CNIH3: variants seen among roughly 807,000 people sequenced by gnomAD.
The protein encoded by CNIH3 is cornichon family AMPA receptor auxiliary protein 3.
CNIH3 carries 14 observed loss-of-function variants against 24.1 expected under a neutral mutation model. That is an observed-to-expected ratio of 0.58 (90% confidence interval 0.38 to 0.91). CNIH3 has a LOEUF of 0.91. Among genes scored for constraint, CNIH3 ranks in the 40% least tolerant of loss-of-function variants. The pLI is 0.00. For missense variants in CNIH3, 178 were observed against 196.8 expected (o/e 0.90, Z 0.57); for synonymous variants, 68 against 73.8 (o/e 0.92, Z 0.40).
chr1:224,690,765 A>AG (rs1686890110), intron 3 of CNIH3, among the ~76,000 whole-genome samples: 1 of 152,164 alleles, frequency 6.6e-6, no homozygotes, highest in African/African-American at 2.4e-5. Flanking sequence ...ATGGAGGAGA[A>AG]GGGTGTGTGG....
intron 3 of CNIH3, chr1:224,611,278 A>G (rs1682686550): frequency 6.6e-6 from 1 of 152,234 alleles, no homozygotes; most frequent in Non-Finnish European, 1.5e-5. Flanking sequence ...TGGAGCTGCT[A>G]CACTAGCCAT....
chr1:224,590,879 C>G (rs2405313), downstream of CNIH3, among the ~76,000 whole-genome samples: 58,669 of 149,716 alleles, frequency 0.39, 11,934 homozygotes, highest in East Asian at 0.59. Context: ...AGCCTGGTCA[C>G]ACTTCTGGGG....
intron 4 of CNIH3, among the ~76,000 whole-genome samples, chr1:224,568,517 A>C (rs1680681625): frequency 6.6e-6 from 1 of 152,172 alleles, no homozygotes; most frequent in African/African-American, 2.4e-5. Flanking sequence ...AGAGCTTCTG[A>C]AGGCCAAGGC....
chr1:224,571,116 G>A (rs1296269141), intron 4 of CNIH3, among the ~76,000 whole-genome samples: 1 of 152,172 alleles, frequency 6.6e-6, no homozygotes, highest in Non-Finnish European at 1.5e-5. Context: ...ATAGGGCAAG[G>A]CCTCTTGTCT....
At chr1:224,663,056 A>T (rs1685436286) in intron 1 of CNIH3, among the ~76,000 whole-genome samples, 1 of 152,186 alleles carries the variant, frequency 6.6e-6, no homozygotes, top group Non-Finnish European at 1.5e-5. Context: ...AAAAACCGCA[A>T]TTACTTTTGC....
At chr1:224,568,511 C>T (rs1488131249) in intron 4 of CNIH3, among the ~76,000 whole-genome samples, 1 of 152,144 alleles carries the variant, frequency 6.6e-6, no homozygotes, top group Non-Finnish European at 1.5e-5. Context: ...AATCCCAGAG[C>T]TTCTGAAGGC....
intron 4 of CNIH3, among the ~76,000 whole-genome samples, chr1:224,578,596 A>C (rs1317720269): frequency 2.0e-5 from 3 of 152,088 alleles, no homozygotes; most frequent in Non-Finnish European, 4.4e-5. Context: ...ACTAGTACCT[A>C]GTATCTCCCT....
intron 1 of CNIH3, among the ~76,000 whole-genome samples, chr1:224,449,808 G>A (rs1490510153): frequency 6.6e-6 from 1 of 152,114 alleles, no homozygotes; most frequent in Admixed American, 6.5e-5. Flanking sequence ...GCCAATACCT[G>A]TCTTTGGAGG....
At chr1:224,541,966 G>A (rs1679527880), downstream of CNIH3, among the ~76,000 whole-genome samples, 1 of 152,062 alleles carries the variant, frequency 6.6e-6, no homozygotes, top group African/African-American at 2.4e-5. Context: ...ATACTTTTCA[G>A]AATCTTCCCC....
At chr1:224,618,576 C>T (rs990284440) in intron 1 of CNIH3, among the ~76,000 whole-genome samples, 1 of 152,188 alleles carries the variant, frequency 6.6e-6, no homozygotes, top group Non-Finnish European at 1.5e-5. Flanking sequence ...AGGGGAAACT[C>T]GGGGAGGAAG....
chr1:224,591,763 G>A (rs756956009), downstream of CNIH3, among the ~76,000 whole-genome samples: 20 of 152,202 alleles, frequency 1.3e-4, no homozygotes, highest in Admixed American at 7.9e-4. Flanking sequence ...AAGCTTTAGA[G>A]TCAGATGGAT....
intron 1 of CNIH3, among the ~76,000 whole-genome samples, chr1:224,467,767 C>A (rs1007350304): frequency 6.6e-6 from 1 of 151,606 alleles, no homozygotes; most frequent in Non-Finnish European, 1.5e-5. Flanking sequence ...GTTCTCCCAG[C>A]CGTAGGTTTT....
chr1:224,672,063 C>T (rs1241232528), intron 1 of CNIH3, among the ~76,000 whole-genome samples: 1 of 152,170 alleles, frequency 6.6e-6, no homozygotes, highest in Non-Finnish European at 1.5e-5. Context: ...CAGTGGAGCT[C>T]TTTGTGCTTT....
intron 3 of CNIH3, among the ~76,000 whole-genome samples, chr1:224,716,188 T>C (rs1688420195): frequency 6.6e-6 from 1 of 152,196 alleles, no homozygotes; most frequent in Non-Finnish European, 1.5e-5. Flanking sequence ...CCTGGAACAC[T>C]ACAAAGAAAG....
intron 1 of CNIH3, among the ~76,000 whole-genome samples, chr1:224,495,423 A>T (rs1038505940): frequency 1.3e-5 from 2 of 152,218 alleles, no homozygotes; most frequent in Non-Finnish European, 2.9e-5. Context: ...TCCTGGAAAA[A>T]AACGATGAAT....
chr1:224,489,902 C>G (rs1677177417), intron 1 of CNIH3, among the ~76,000 whole-genome samples: 1 of 152,182 alleles, frequency 6.6e-6, no homozygotes, highest in Non-Finnish European at 1.5e-5. Context: ...GCACTAATCC[C>G]ATTGATGAGG....
At chr1:224,719,643 A>G (rs1242317332) in intron 3 of CNIH3, among the ~76,000 whole-genome samples, 1 of 152,216 alleles carries the variant, frequency 6.6e-6, no homozygotes, top group Non-Finnish European at 1.5e-5. Context: ...CCTATGAATT[A>G]GATACTATTA....
chr1:224,478,542 A>C (rs961904377), intron 1 of CNIH3, among the ~76,000 whole-genome samples: 7 of 152,282 alleles, frequency 4.6e-5, no homozygotes, highest in Admixed American at 3.9e-4. Context: ...TAGGATTCTG[A>C]ATACATTTTC....
intron 1 of CNIH3, among the ~76,000 whole-genome samples, chr1:224,634,703 C>G (rs1241802226): frequency 6.6e-6 from 1 of 152,178 alleles, no homozygotes; most frequent in Admixed American, 6.5e-5. Flanking sequence ...TTACTGTCCC[C>G]CATGGAGCAT....
Sources: gnomAD v4.1 joint callset for allele counts (sites outside exome capture counted in the v4.1 genomes callset) on GRCh38, gnomAD v4.1.1 for gene constraint, MANE v1.5 for transcripts, NCBI Gene and HGNC (gene_info 2026-07-23, HGNC 2026-07-21) for gene names.